Variants in MAGI2 observed in about 807,000 individuals in gnomAD.
MAGI2 encodes the protein membrane associated guanylate kinase, WW and PDZ domain containing 2, also known as membrane-associated guanylate kinase, WW and PDZ domain-containing protein 2.
A neutral mutation model predicts 133.3 loss-of-function variants in MAGI2; 35 were observed. The ratio of observed to expected loss-of-function variants is 0.26; its 90% CI spans 0.20 to 0.35. The LOEUF is 0.35. Ranked by LOEUF, MAGI2 falls within the 10% of genes least tolerant of loss-of-function variation. The probability of loss-of-function intolerance (pLI) is 1.00; values close to 1 mark genes in which losing one functional copy is unlikely to be tolerated. For synonymous variants in MAGI2, 729 were observed against 710.6 expected, an observed-to-expected ratio of 1.03 and a Z score of -0.41; for missense variants, 1,636 against 1,863.4, an observed-to-expected ratio of 0.88 and a Z score of 2.25.
At chr7:79,411,465 G>A (rs1294728832) in intron 1 of MAGI2, 1 of 152,130 alleles carries the variant, frequency 6.6e-6, no homozygotes, top group Non-Finnish European at 1.5e-5. Flanking sequence ...TTTGGACAAT[G>A]GTGGAAGGGG....
intron 1 of MAGI2, among the ~76,000 whole-genome samples, chr7:79,443,893 T>C (rs923422108): frequency 1.3e-5 from 2 of 152,200 alleles, no homozygotes; most frequent in South Asian, 2.1e-4. Context: ...TTTCACAGAG[T>C]CACTTAATAA....
At chr7:79,268,533 CA>C (rs1834643831) in intron 1 of MAGI2, among the ~76,000 whole-genome samples, 2 of 152,188 alleles carry the variant, frequency 1.3e-5, no homozygotes, top group African/African-American at 4.8e-5. Flanking sequence ...CCATATTACT[CA>C]TAACAATTGT....
chr7:79,418,320 G>A (rs1484629052), intron 1 of MAGI2, among the ~76,000 whole-genome samples: 1 of 152,062 alleles, frequency 6.6e-6, no homozygotes, highest in African/African-American at 2.4e-5. Context: ...GAACAGTCAT[G>A]GTTTTACATC....
chr7:78,264,984 G>A (rs1279015360), intron 9 of MAGI2, among the ~76,000 whole-genome samples: 1 of 152,086 alleles, frequency 6.6e-6, no homozygotes, highest in Non-Finnish European at 1.5e-5. Context: ...TAAGATACTG[G>A]AGTAGCCACT....
chr7:78,237,475 A>C (rs893882200), intron 10 of MAGI2, among the ~76,000 whole-genome samples: 1 of 152,108 alleles, frequency 6.6e-6, no homozygotes, highest in Non-Finnish European at 1.5e-5. Flanking sequence ...TAATCTAAAC[A>C]AGTAATTTGT....
intron 1 of MAGI2, among the ~76,000 whole-genome samples, chr7:79,018,554 C>T (rs907931390): frequency 6.6e-6 from 1 of 152,112 alleles, no homozygotes; most frequent in Non-Finnish European, 1.5e-5. Context: ...TCAACACTAA[C>T]CTTGAATGTG....
chr7:78,578,832 T>A (rs1464510873), intron 3 of MAGI2, among the ~76,000 whole-genome samples: 1 of 152,222 alleles, frequency 6.6e-6, no homozygotes, highest in Non-Finnish European at 1.5e-5. Flanking sequence ...GTTGACCTGA[T>A]GCCTGAACAA....
chr7:78,488,773 T>C (rs73374245), intron 6 of MAGI2, among the ~76,000 whole-genome samples: 3,167 of 152,140 alleles, frequency 0.021, 109 homozygotes, highest in African/African-American at 0.072. Context: ...CCCTAGCCTG[T>C]GAACAGTTAC....
chr7:79,103,954 G>T (rs1199456580), intron 1 of MAGI2, among the ~76,000 whole-genome samples: 1 of 152,068 alleles, frequency 6.6e-6, no homozygotes, highest in Non-Finnish European at 1.5e-5. Context: ...ACCCACCTCG[G>T]CCTCCTAAGG....
intron 1 of MAGI2, among the ~76,000 whole-genome samples, chr7:79,435,744 G>A (rs1199561219): frequency 1.3e-5 from 2 of 151,788 alleles, no homozygotes; most frequent in Non-Finnish European, 2.9e-5. Flanking sequence ...ATTTTTCTCA[G>A]AATTAGAAAC....
chr7:78,409,763 C>A (rs1378464101), intron 6 of MAGI2, among the ~76,000 whole-genome samples: 1 of 152,010 alleles, frequency 6.6e-6, no homozygotes, highest in Non-Finnish European at 1.5e-5. Context: ...GTACATGTTT[C>A]TTGAAGGAAG....
intron 2 of MAGI2, among the ~76,000 whole-genome samples, chr7:78,713,899 T>C (rs1209548522): frequency 6.6e-6 from 1 of 152,170 alleles, no homozygotes; most frequent in Non-Finnish European, 1.5e-5. Flanking sequence ...AAGTGTTAAA[T>C]AAACAAGTCT....
chr7:78,187,726 T>C (rs924392202), intron 12 of MAGI2, among the ~76,000 whole-genome samples: 11 of 152,290 alleles, frequency 7.2e-5, no homozygotes, highest in African/African-American at 2.6e-4. Context: ...GGATTATGAC[T>C]TGAGAAATGT....
chr7:78,186,093 C>A (rs1043201201), intron 12 of MAGI2, among the ~76,000 whole-genome samples: 7 of 152,050 alleles, frequency 4.6e-5, no homozygotes, highest in Non-Finnish European at 8.8e-5. Flanking sequence ...AAAATCCAAT[C>A]AATGATTGTA....
chr7:78,843,814 A>C (rs1792349099), intron 2 of MAGI2, among the ~76,000 whole-genome samples: 1 of 151,236 alleles, frequency 6.6e-6, no homozygotes. Flanking sequence ...AAAATCTAAG[A>C]GCATTATGCA....
chr7:78,209,971 C>A (rs942475079), intron 10 of MAGI2, among the ~76,000 whole-genome samples: 2 of 152,108 alleles, frequency 1.3e-5, no homozygotes, highest in Non-Finnish European at 2.9e-5. Context: ...ATCTCTGACC[C>A]TTTTTTATGT....
chr7:79,102,963 G>A (rs1818119164), intron 1 of MAGI2, among the ~76,000 whole-genome samples: 1 of 152,126 alleles, frequency 6.6e-6, no homozygotes, highest in South Asian at 2.1e-4. Flanking sequence ...TTTTAAGCAG[G>A]GTTGAGGCTT....
intron 1 of MAGI2, among the ~76,000 whole-genome samples, chr7:79,137,581 C>T (rs1821705336): frequency 6.6e-6 from 1 of 151,562 alleles, no homozygotes; most frequent in South Asian, 2.1e-4. Context: ...GCCTCCCGTG[C>T]AGCTGGGATT....
At chr7:79,070,530 C>A (rs184630388) in intron 1 of MAGI2, among the ~76,000 whole-genome samples, 72 of 151,610 alleles carry the variant, frequency 4.7e-4, no homozygotes, top group African/African-American at 1.7e-3. Context: ...CTTGCTCTGT[C>A]ACCCAGGCTG....
Sources: gnomAD v4.1 joint callset for allele counts (sites outside exome capture counted in the v4.1 genomes callset) on GRCh38, gnomAD v4.1.1 for gene constraint, MANE v1.5 for transcripts, NCBI Gene and HGNC (gene_info 2026-07-23, HGNC 2026-07-21) for gene names.